MAGI2: variants seen among roughly 807,000 people sequenced by gnomAD.
The protein encoded by MAGI2 is membrane-associated guanylate kinase, WW and PDZ domain-containing protein 2.
A neutral mutation model predicts 133.3 loss-of-function variants in MAGI2; 35 were observed. The ratio of observed to expected loss-of-function variants is 0.26; its 90% CI spans 0.20 to 0.35. MAGI2 has a LOEUF of 0.35. Among genes scored for constraint, MAGI2 ranks in the 10% least tolerant of loss-of-function variants. The pLI, the probability that MAGI2 is intolerant of heterozygous loss-of-function variation, is 1.00. For synonymous variants in MAGI2, 729 were observed against 710.6 expected (o/e 1.03, Z -0.41); for missense variants, 1,636 against 1,863.4 (o/e 0.88, Z 2.25).
At chr7:79,253,846 C>T (rs186030378) in intron 1 of MAGI2, among the ~76,000 whole-genome samples, 40 of 152,126 alleles carry the variant, frequency 2.6e-4, no homozygotes, top group African/African-American at 8.4e-4. Context: ...TTAAACAATA[C>T]AAATTTGAGA....
At chr7:78,585,812 G>C (rs2150825809) in intron 3 of MAGI2, among the ~76,000 whole-genome samples, 1 of 152,272 alleles carries the variant, frequency 6.6e-6, no homozygotes, top group South Asian at 2.1e-4. Flanking sequence ...CTGAGAGGGT[G>C]GGGTTACTTT....
At chr7:78,427,255 T>G (rs1799367279) in intron 6 of MAGI2, among the ~76,000 whole-genome samples, 1 of 152,084 alleles carries the variant, frequency 6.6e-6, no homozygotes, top group African/African-American at 2.4e-5. Flanking sequence ...AGTAATTATA[T>G]TAAATGAAAA....
chr7:78,961,775 A>C (rs941944996), intron 2 of MAGI2, among the ~76,000 whole-genome samples: 1 of 152,126 alleles, frequency 6.6e-6, no homozygotes, highest in Non-Finnish European at 1.5e-5. Context: ...GTGTAGCTTA[A>C]CAAAGGGGAT....
Position 78,588,335 on chromosome 7 carries a change from C to T in MAGI2, c.538+38785G>A, listed in dbSNP as rs751272209. Among the ~76,000 whole-genome samples the T allele has an allele frequency of 5.9e-5, 9 of 152,160 alleles. No individual in the cohort carries two copies. The South Asian group carries it at 1.2e-3, about 21-fold the overall frequency. ...GAATTGGTGTGTATGTGTATGGGTTCTCCCCAGGAGACAATTTAATATAAT... is the reference window on the plus strand; with the variant it reads ...GAATTGGTGTGTATGTGTATGGGTTTTCCCCAGGAGACAATTTAATATAAT... On this transcript the variant is annotated intron_variant, in intron 3 of 21. Transcript: ENST00000354212.
intron 15 of MAGI2, among the ~76,000 whole-genome samples, chr7:78,166,133 A>G (rs1247086950): frequency 6.6e-6 from 1 of 152,230 alleles, no homozygotes; most frequent in African/African-American, 2.4e-5. Context: ...CGGAAGTCAC[A>G]TGATCCACAA....
chr7:79,042,265 C>A (rs1280612354), intron 1 of MAGI2, among the ~76,000 whole-genome samples: 1 of 152,068 alleles, frequency 6.6e-6, no homozygotes, highest in African/African-American at 2.4e-5. Flanking sequence ...TAAATTATAA[C>A]CTTATCATTA....
At chr7:78,556,699 A>G (rs1395417846) in intron 3 of MAGI2, among the ~76,000 whole-genome samples, 1 of 152,144 alleles carries the variant, frequency 6.6e-6, no homozygotes, top group African/African-American at 2.4e-5. Flanking sequence ...TCCCATTTCC[A>G]TGCCCTTCTC....
At chr7:78,904,736 C>A (rs1797873920) in intron 2 of MAGI2, among the ~76,000 whole-genome samples, 1 of 152,144 alleles carries the variant, frequency 6.6e-6, no homozygotes, top group Admixed American at 6.5e-5. Context: ...CTCCTGGCCT[C>A]AAGCAATCCA....
chr7:79,028,297 G>GTATA (rs201592550), intron 1 of MAGI2, among the ~76,000 whole-genome samples: 32 of 27,658 alleles, frequency 1.2e-3, no homozygotes, highest in African/African-American at 2.7e-3. Context: ...ATATATGTGT[G>GTATA]TATATATATA....
chr7:78,241,297 T>C (rs1005001932), intron 10 of MAGI2, among the ~76,000 whole-genome samples: 2 of 152,346 alleles, frequency 1.3e-5, no homozygotes, highest in African/African-American at 4.8e-5. Flanking sequence ...CTGTTTCTGC[T>C]ACTTCTAAAT....
chr7:79,432,629 G>C (rs1847851929), intron 1 of MAGI2, among the ~76,000 whole-genome samples: 1 of 152,178 alleles, frequency 6.6e-6, no homozygotes, highest in African/African-American at 2.4e-5. Flanking sequence ...CTCTTGAAGG[G>C]ATGCTGCCCA....
intron 2 of MAGI2, among the ~76,000 whole-genome samples, chr7:78,695,259 T>C (rs73147030): frequency 2.0e-5 from 3 of 152,118 alleles, no homozygotes; most frequent in Non-Finnish European, 4.4e-5. Context: ...ATAAAATGTC[T>C]CCTGAATTGT....
At chr7:78,704,458 G>A (rs323158) in intron 2 of MAGI2, among the ~76,000 whole-genome samples, 105,973 of 152,038 alleles carry the variant, frequency 0.7, 37,225 homozygotes, top group East Asian at 0.83. Flanking sequence ...ACACTTACAC[G>A]CTGTTGGTAC....
chr7:79,134,707 CA>C (rs1397448327), intron 1 of MAGI2, among the ~76,000 whole-genome samples: 1 of 152,094 alleles, frequency 6.6e-6, no homozygotes, highest in African/African-American at 2.4e-5. Flanking sequence ...TTGCAATCAT[CA>C]ATATTAAGAT....
chr7:78,031,426 A>G (rs1026014950), intron 21 of MAGI2, among the ~76,000 whole-genome samples: 1 of 152,226 alleles, frequency 6.6e-6, no homozygotes. Flanking sequence ...TGGGTGAAGA[A>G]ACATTTTTAA....
intron 1 of MAGI2, among the ~76,000 whole-genome samples, chr7:79,403,766 T>C (rs1265958709): frequency 1.3e-5 from 2 of 152,324 alleles, no homozygotes; most frequent in East Asian, 1.9e-4. Context: ...AGAGAAAAGA[T>C]ATTTTCAAAA....
chr7:79,195,844 A>C (rs1020735028), intron 1 of MAGI2, among the ~76,000 whole-genome samples: 2 of 152,012 alleles, frequency 1.3e-5, no homozygotes, highest in African/African-American at 4.8e-5. Flanking sequence ...ACATTATGTC[A>C]AGTGAAATAA....
intron 12 of MAGI2, among the ~76,000 whole-genome samples, chr7:78,191,312 T>A (rs989931539): frequency 6.6e-6 from 1 of 152,208 alleles, no homozygotes; most frequent in Non-Finnish European, 1.5e-5. Flanking sequence ...ATTGTCTTGA[T>A]TGAATATGAA....
intron 2 of MAGI2, among the ~76,000 whole-genome samples, chr7:78,990,826 T>G (rs914083236): frequency 6.6e-6 from 1 of 151,848 alleles, no homozygotes; most frequent in Non-Finnish European, 1.5e-5. Flanking sequence ...AACGTAAGTT[T>G]TCCATCTGTA....
Sources: gnomAD v4.1 joint callset for allele counts (sites outside exome capture counted in the v4.1 genomes callset) on GRCh38, gnomAD v4.1.1 for gene constraint, MANE v1.5 for transcripts, NCBI Gene and HGNC (gene_info 2026-07-23, HGNC 2026-07-21) for gene names.